Variants in FXYD5 observed in about 807,000 individuals in gnomAD.
The protein encoded by FXYD5 is FXYD domain-containing ion transport regulator 5.
A neutral mutation model predicts 25.7 loss-of-function variants in FXYD5; 21 were observed. The observed-to-expected ratio is 0.82, with a 90% CI of 0.58 to 1.18. The LOEUF is 1.18. Ranked by LOEUF, FXYD5 falls within the 50% of genes most tolerant of loss-of-function variation. FXYD5 has a pLI of 0.00. For synonymous variants in FXYD5, 101 were observed against 90.7 expected (o/e 1.11, Z -0.64); for missense variants, 229 against 227.7 (o/e 1.01, Z -0.04).
Position 35,169,761 on chromosome 19 carries a change from CG to C in FXYD5, c.*148del, listed in dbSNP as rs2065482611. ...ATGATGAAGCTGGAGCCAGGGCTGC[CG>C]GTCCGAGTCTCCTACCTCCCCCAAC... On this transcript the variant is annotated 3_prime_UTR_variant, in exon 9 of 9. Transcript: ENST00000392219. The C allele has an allele frequency of 1.5e-6, 1 of 646,308 alleles. No individual in the cohort carries two copies. The highest frequency in any genetic ancestry group is 1.8e-5 in the South Asian group (1 of 55,610). 40.0% of individuals were successfully genotyped at this position (646,308 alleles called of 1,614,324 possible).
chr19:35,164,419 G>T (rs1342142746), intron 6 of FXYD5, among the ~76,000 whole-genome samples, 174 bp downstream of exon 6: 3 of 152,226 alleles, frequency 2.0e-5, no homozygotes, highest in African/African-American at 7.2e-5. Context: ...ATAGATAAGT[G>T]AATGCATAAA....
rs1482305672 is a variant in FXYD5, at chr19:35,169,661, C to G, written c.*46C>G. ...GACAACCTGCTGGGCACCCGAAGAC[C>G]AAGCCCCCTGCCAGCTCACCGTGCC... is the stretch of plus-strand genomic sequence containing the variant. On this transcript the variant is annotated 3_prime_UTR_variant, in exon 9 of 9. Coordinates refer to ENST00000392219, the MANE Select transcript of FXYD5 (RefSeq NM_014164.6). 7.7e-7 allele frequency: 1 copy of G among 1,291,958 alleles called. No homozygotes were observed. Among genetic ancestry groups the G allele is most frequent in the Non-Finnish European group, 1.1e-6 (1 of 886,592 alleles). The allele number at this position is 1,291,958 out of a possible 1,614,324, so 80.0% of individuals were successfully genotyped here.
At chr19:35,166,083 A>G in intron 6 of FXYD5, 59 bp from the exon 7 acceptor site, 1 of 1,552,482 alleles carries the variant, frequency 6.4e-7, no homozygotes. Flanking sequence ...TTTGCCATTC[A>G]CGTATTCACT....
chr19:35,158,473 T>A lies in FXYD5; in HGVS notation c.199+73T>A, dbSNP rs114719381. 2.5e-3 allele frequency: 2,293 copies of A among 928,154 alleles called. 43 individuals are homozygous for A. In the African/African-American group the frequency reaches 0.03, roughly 12 times the overall value. The allele number at this position is 928,154 out of a possible 1,614,324, so 57.5% of individuals were successfully genotyped here. A position where few individuals can be genotyped will look rare whatever the true frequency, so the allele number is the denominator to read the frequency against. On this transcript the variant is annotated intron_variant, in intron 4 of 8. Transcript: ENST00000392219. ...AGTTTCCCCTCTTCCTCTGACACTA[T>A]AGGTCTTTGGTTGCCCATTTCAGTC...
At chr19:35,156,183 AGCGAAGGGAAGT>A (rs1260610194) in intron 2 of FXYD5, among the ~76,000 whole-genome samples, 2 of 152,220 alleles carry the variant, frequency 1.3e-5, no homozygotes, top group African/African-American at 4.8e-5. Flanking sequence ...ACTGAGGCTC[AGCGAAGGGAAGT>A]GCCCTGTGTC....
At chr19:35,157,242 A>C (rs1467545229) in intron 2 of FXYD5, among the ~76,000 whole-genome samples, 179 bp from the exon 3 acceptor site, 1 of 152,118 alleles carries the variant, frequency 6.6e-6, no homozygotes, top group East Asian at 1.9e-4. Flanking sequence ...GACTAGAAGA[A>C]GGGTTCCCAG....
At chr19:35,156,742 A>C (rs2065359470) in intron 2 of FXYD5, 1 of 152,740 alleles carries the variant, frequency 6.5e-6, no homozygotes, top group South Asian at 2.1e-4. Context: ...GGGCCACGTG[A>C]GGGCTTTGCT....
chr19:35,169,432 C>T, intron 8 of FXYD5, 134 bp from the exon 9 acceptor site: 2 of 677,994 alleles, frequency 2.9e-6, no homozygotes, highest in Non-Finnish European at 5.3e-6. Context: ...TGTGTTTCTC[C>T]ATCATTTGTT....
rs375715408 is a variant in FXYD5 at position 35,160,752 on chromosome 19, G to A, written c.243G>A (p.Thr81=). 5.0e-6 allele frequency: 8 copies of A among 1,613,772 alleles called. 1 individual carries two copies. Among genetic ancestry groups the A allele is most frequent in the African/African-American group, 4.0e-5 (3 of 75,002 alleles). Residue 81 remains threonine (T), a synonymous_variant, in exon 5 of 9, where the codon ACG becomes ACA. Transcript: ENST00000392219. ...PQTQTQQLEG[T]DGPLVTDPET... is the part of the protein sequence containing the mutation. ...CCCAGACCCAGCAACTGGAAGGAAC[G>A]GATGGGCCTCTAGTGACAGATCCAG...
chr19:35,158,478 C>A, intron 4 of FXYD5, 78 bp downstream of exon 4: 1 of 886,630 alleles, frequency 1.1e-6, no homozygotes, highest in South Asian at 1.3e-5. Flanking sequence ...CACTATAGGT[C>A]TTTGGTTGCC....
At chr19:35,168,784 A>G (rs2065472946) in intron 8 of FXYD5, among the ~76,000 whole-genome samples, 1 of 152,058 alleles carries the variant, frequency 6.6e-6, no homozygotes, top group Non-Finnish European at 1.5e-5. Flanking sequence ...CCTCCTTGGC[A>G]GGCCACAGTG....
chr19:35,169,324 A>G (rs922396153), intron 8 of FXYD5, among the ~76,000 whole-genome samples: 13 of 151,834 alleles, frequency 8.6e-5, no homozygotes, highest in Non-Finnish European at 4.4e-5. Flanking sequence ...GAATGAATGA[A>G]TAAGTGAGAT....
At chr19:35,169,269 G>A (rs571041078) in intron 8 of FXYD5, among the ~76,000 whole-genome samples, 3 of 152,290 alleles carry the variant, frequency 2.0e-5, no homozygotes, top group East Asian at 3.9e-4. Flanking sequence ...AACTCTGCCA[G>A]GGCAGGGATT....
rs1269014572 is a variant in FXYD5 at position 35,159,555 on chromosome 19, T to C, written c.200-1154T>C. On this transcript the variant is annotated intron_variant, in intron 4 of 8. Transcript: ENST00000392219. ...GCTTATGGAGTCACACACTTCTTGATGAACATGTTGGCTGTTTCCAGCTTT... is the reference window on the plus strand; with the variant it reads ...GCTTATGGAGTCACACACTTCTTGACGAACATGTTGGCTGTTTCCAGCTTT... 3.2e-6 allele frequency: 5 copies of C among 1,550,638 alleles called. No homozygotes were observed. In the East Asian group the frequency reaches 9.8e-5, roughly 30 times the overall value.
At chr19:35,164,597 A>G (rs2065434839) in intron 6 of FXYD5, among the ~76,000 whole-genome samples, 1 of 151,928 alleles carries the variant, frequency 6.6e-6, no homozygotes, top group South Asian at 2.1e-4. Flanking sequence ...GTCAGCAAGG[A>G]CCTCTGTTTC....
intron 4 of FXYD5, 88 bp from the exon 5 acceptor site, chr19:35,160,621 C>A: frequency 1.1e-6 from 1 of 869,874 alleles, no homozygotes; most frequent in Non-Finnish European, 2.0e-6. Flanking sequence ...GCTGGGAATA[C>A]AGACATAAGC....
chr19:35,168,925 T>C (rs984383627), intron 8 of FXYD5, among the ~76,000 whole-genome samples: 1 of 152,010 alleles, frequency 6.6e-6, no homozygotes, highest in Non-Finnish European at 1.5e-5. Context: ...TAGCTGGGCT[T>C]GGTGGCACAT....
At chr19:35,166,635 T>A in intron 8 of FXYD5, 1 of 440,050 alleles carries the variant, frequency 2.3e-6, no homozygotes, top group East Asian at 3.5e-5. Flanking sequence ...CCTTGGCTCT[T>A]TGCCACATCA....
intron 2 of FXYD5, among the ~76,000 whole-genome samples, chr19:35,156,201 G>T (rs900581656): frequency 1.3e-5 from 2 of 152,220 alleles, no homozygotes; most frequent in Non-Finnish European, 2.9e-5. Context: ...GAAGTGCCCT[G>T]TGTCAGAGGA....
Sources: allele counts gnomAD v4.1 joint callset (sites outside exome capture counted in the v4.1 genomes callset), GRCh38; gene constraint gnomAD v4.1.1; transcripts MANE v1.5; gene names NCBI Gene and HGNC (gene_info 2026-07-23, HGNC 2026-07-21).